The following SLC17A9 variants were observed in gnomAD, a reference collection of about 807,000 sequenced individuals.
SLC17A9 encodes the protein solute carrier family 17 member 9, also known as voltage-gated purine nucleotide uniporter SLC17A9.
Under a neutral mutation model 55.0 loss-of-function variants are expected in SLC17A9, and 49 were observed. The observed-to-expected ratio is 0.89, with a 90% CI of 0.71 to 1.13. SLC17A9 has a LOEUF of 1.13. Among genes scored for constraint, SLC17A9 ranks in the 50% most tolerant of loss-of-function variants. SLC17A9 has a pLI of 0.00. For missense variants in SLC17A9, 526 were observed against 569.3 expected (o/e 0.92, Z 0.77); for synonymous variants, 256 against 247.4 (o/e 1.03, Z -0.32).
chr20:62,955,216 C>T (rs547799529), intron 1 of SLC17A9, among the ~76,000 whole-genome samples: 18 of 151,674 alleles, frequency 1.2e-4, no homozygotes, highest in African/African-American at 3.1e-4. Context: ...AGTTTGATCT[C>T]GGTTCACTGC....
At chr20:62,953,901 C>T (rs2065512698) in intron 1 of SLC17A9, among the ~76,000 whole-genome samples, 1 of 152,242 alleles carries the variant, frequency 6.6e-6, no homozygotes, top group African/African-American at 2.4e-5. Context: ...GGAGGGCTGC[C>T]CTCAGCGGGC....
rs1264195428 is a variant in SLC17A9, at chr20:62,969,064, G to C, written c.*1564G>C. On this transcript the variant is annotated 3_prime_UTR_variant, in exon 13 of 13. Coordinates refer to ENST00000370351, the MANE Select transcript of SLC17A9 (RefSeq NM_022082.4). Reference sequence around the variant, plus strand: ...TGCTGGACTGCTGGACGCTGCTGTGGGGTCTTGGGGCAGGAGGGGCTTCCA... The same window carrying C: ...TGCTGGACTGCTGGACGCTGCTGTGCGGTCTTGGGGCAGGAGGGGCTTCCA... 6.6e-6 allele frequency: 1 copy of C among 152,252 alleles called. No homozygotes were observed. Among genetic ancestry groups the C allele is most frequent in the Non-Finnish European group, 1.5e-5 (1 of 68,076 alleles). The allele number at this position is 152,252 out of a possible 1,614,324, so 9.4% of individuals were successfully genotyped here.
At chr20:62,964,869 G>T in intron 8 of SLC17A9, 1 of 534,604 alleles carries the variant, frequency 1.9e-6, no homozygotes, top group Non-Finnish European at 3.3e-6. Context: ...GCCTGTTTCC[G>T]CCTCTGTAAC....
chr20:62,963,515 G>C, intron 6 of SLC17A9, 69 bp from the exon 7 acceptor site: 1 of 1,537,770 alleles, frequency 6.5e-7, no homozygotes, highest in Middle Eastern at 1.7e-4. Context: ...GACGCCTCTC[G>C]GGGTGGGTCC....
intron 3 of SLC17A9, among the ~76,000 whole-genome samples, chr20:62,959,881 C>G (rs1222460051): frequency 6.6e-6 from 1 of 152,226 alleles, no homozygotes; most frequent in Non-Finnish European, 1.5e-5. Context: ...AGGTCAGGCT[C>G]AGAGCCCTCT....
At position 62,963,484 on chromosome 20, in the gene SLC17A9, G is replaced by T; in HGVS notation, c.726-100G>T. On this transcript the variant is annotated intron_variant, in intron 6 of 12. Coordinates refer to ENST00000370351, the MANE Select transcript of SLC17A9 (RefSeq NM_022082.4). ...CCAGCAGGGCCTAGGGCTCAGAGAA[G>T]TGGGACTCTGGCCCCCAGGGGACGC... 3 of 1,506,844 alleles carry T rather than the reference G, an allele frequency of 2.0e-6. No homozygotes were observed. The Admixed American group carries it at 5.9e-5, about 30-fold the overall frequency. The allele number at this position is 1,506,844 out of a possible 1,614,324, so 93.3% of individuals were successfully genotyped here.
rs1024453286 is a variant in SLC17A9, at chr20:62,958,131, G to A, written c.397+551G>A. On this transcript the variant is annotated intron_variant, in intron 3 of 12. Coordinates refer to ENST00000370351, the MANE Select transcript of SLC17A9 (RefSeq NM_022082.4). This position sits in a 1 kb window ranked among gnomAD's most constrained non-coding sequence, Gnocchi z 4.1. ...TATGTGCGTATGCGTGCCCATATGCGTGTGTACGTGCGTGAGTGTGCCCGT... is the reference window on the plus strand; with the variant it reads ...TATGTGCGTATGCGTGCCCATATGCATGTGTACGTGCGTGAGTGTGCCCGT... 2.0e-5 allele frequency among the ~76,000 whole-genome samples: 3 copies of A among 152,194 alleles called. No homozygotes were observed. Among genetic ancestry groups the A allele is most frequent in the Non-Finnish European group, 4.4e-5 (3 of 68,020 alleles).
chr20:62,959,290 G>C (rs1319281149), intron 3 of SLC17A9, among the ~76,000 whole-genome samples: 1 of 152,240 alleles, frequency 6.6e-6, no homozygotes. Flanking sequence ...GACCCCGTAG[G>C]CTCGCTGCCG....
At chr20:62,953,237 C>T (rs2065506913) in intron 1 of SLC17A9, 2 of 1,550,354 alleles carry the variant, frequency 1.3e-6, no homozygotes, top group Non-Finnish European at 1.7e-6. Flanking sequence ...TATGCATGAC[C>T]CTGACAAGCA....
intron 8 of SLC17A9, 193 bp from the exon 9 acceptor site, chr20:62,964,939 G>A (rs1469204417): frequency 1.8e-5 from 11 of 606,684 alleles, no homozygotes; most frequent in South Asian, 8.3e-5. Flanking sequence ...TTCCAAAGGC[G>A]CACATGCGGC....
chr20:62,953,158 TC>T, intron 1 of SLC17A9: 1 of 1,531,740 alleles, frequency 6.5e-7, no homozygotes, highest in Non-Finnish European at 8.8e-7. Context: ...AGGGCTATGT[TC>T]CCCAGGCCAG....
intron 3 of SLC17A9, 29 bp downstream of exon 3, chr20:62,957,609 G>A (rs555908157): frequency 8.0e-6 from 12 of 1,501,002 alleles, no homozygotes; most frequent in Admixed American, 4.6e-5. Context: ...GCTCCCTCAC[G>A]CTCTCTGGCA....
rs2065649516 is a variant in SLC17A9 at position 62,967,318 on chromosome 20, C to T, written c.1148-19C>T. 6.2e-7 allele frequency: 1 copy of T among 1,613,122 alleles called. No individual in the cohort carries two copies. Among genetic ancestry groups the T allele is most frequent in the South Asian group, 1.1e-5 (1 of 91,014 alleles). On this transcript the variant is annotated intron_variant, in intron 12 of 12. Transcript: ENST00000370351. ...GGCTGCCCGGGAGCACTCAGCCCGCCTGGCCCTCTCTTGGGCAGGTGTCGT... is the reference window on the plus strand; with the variant it reads ...GGCTGCCCGGGAGCACTCAGCCCGCTTGGCCCTCTCTTGGGCAGGTGTCGT...
chr20:62,957,412 A>C, intron 2 of SLC17A9, 29 bp from the exon 3 acceptor site: 1 of 1,555,360 alleles, frequency 6.4e-7, no homozygotes. Context: ...GCACAGCCAC[A>C]TCCTCACCTC....
rs1601094249 is a variant in SLC17A9, at chr20:62,962,614, G to A, written c.498-10G>A. The A allele has an allele frequency of 6.2e-7, 1 of 1,613,430 alleles. No individual in the cohort carries two copies. Reference sequence around the variant, plus strand: ...TGAGGGGCCTGGCCACACTCCCCCTGTCTTTGCAGGACGCTGCTGACCGGG... The same window carrying A: ...TGAGGGGCCTGGCCACACTCCCCCTATCTTTGCAGGACGCTGCTGACCGGG... On this transcript the variant is annotated splice_polypyrimidine_tract_variant and intron_variant, in intron 4 of 12. Transcript: ENST00000370351. The surrounding 1 kb of genome is among the most constrained non-coding windows in gnomAD (Gnocchi z 5.5).
chr20:62,960,923 C>G (rs535396047), intron 4 of SLC17A9, among the ~76,000 whole-genome samples: 3 of 152,248 alleles, frequency 2.0e-5, no homozygotes, highest in Non-Finnish European at 4.4e-5. Context: ...TGCCAGATGC[C>G]GTCCCCACCA....
At chr20:62,963,842 C>T (rs45560632) in intron 7 of SLC17A9, 162 bp downstream of exon 7, 20,760 of 664,214 alleles carry the variant, frequency 0.031, 429 homozygotes, top group African/African-American at 0.057. Flanking sequence ...GAGAGGACCC[C>T]GTCCATGCTC....
chr20:62,962,960 G>T lies in SLC17A9; in HGVS notation c.628+206G>T. 1.3e-6 allele frequency: 1 copy of T among 749,988 alleles called. No homozygotes were observed. The highest frequency in any genetic ancestry group is 2.8e-5 in the East Asian group (1 of 36,126). The allele number at this position is 749,988 out of a possible 1,614,324, so 46.5% of individuals were successfully genotyped here. On this transcript the variant is annotated intron_variant, in intron 5 of 12. Coordinates refer to ENST00000370351, the MANE Select transcript of SLC17A9 (RefSeq NM_022082.4). This position sits in a 1 kb window ranked among gnomAD's most constrained non-coding sequence, Gnocchi z 5.5. ...TTCGATCTGGAAGGTTCCATCTAGG[G>T]CTAAGGCAGACACCCAGGAAGACCT...
At chr20:62,960,411 C>T (rs1601091835) in intron 3 of SLC17A9, 93 bp from the exon 4 acceptor site, 8 of 1,178,052 alleles carry the variant, frequency 6.8e-6, no homozygotes, top group South Asian at 6.7e-5. Flanking sequence ...GACAGGTGGA[C>T]GTCCTCTGGA....
Sources: allele counts gnomAD v4.1 joint callset (sites outside exome capture counted in the v4.1 genomes callset), GRCh38; gene constraint gnomAD v4.1.1; non-coding constraint Gnocchi (gnomAD v3.1); transcripts MANE v1.5; gene names NCBI Gene and HGNC (gene_info 2026-07-23, HGNC 2026-07-21).